CREB5: variants seen among roughly 807,000 people sequenced by gnomAD.
CREB5 encodes cyclic AMP-responsive element-binding protein 5.
Under a neutral mutation model 57.1 loss-of-function variants are expected in CREB5, and 19 were observed. The observed-to-expected ratio is 0.33, with a 90% CI of 0.23 to 0.49. CREB5 has a LOEUF of 0.49. Ranked by LOEUF, CREB5 falls within the 20% of genes least tolerant of loss-of-function variation. CREB5 has a pLI of 0.99. For synonymous variants in CREB5, 238 were observed against 238.3 expected (o/e 1.00, Z 0.01); for missense variants, 579 against 671.6 (o/e 0.86, Z 1.52).
At chr7:28,727,249 T>G (rs141395167) in intron 7 of CREB5, among the ~76,000 whole-genome samples, 32 of 152,266 alleles carry the variant, frequency 2.1e-4, no homozygotes, top group African/African-American at 7.2e-4. Flanking sequence ...CAGACATGGC[T>G]TCACAATGCA....
At chr7:28,560,969 T>TGCGTGC (rs1395767512) in intron 4 of CREB5, among the ~76,000 whole-genome samples, 1 of 24,956 alleles carries the variant, frequency 4.0e-5, no homozygotes, top group African/African-American at 1.1e-4. Flanking sequence ...TGCGTGTGTG[T>TGCGTGC]GTGCGTGTGT....
chr7:28,625,759 G>A (rs775235633), intron 5 of CREB5, among the ~76,000 whole-genome samples: 2 of 152,272 alleles, frequency 1.3e-5, no homozygotes, highest in East Asian at 1.9e-4. Flanking sequence ...CTCCATCCAT[G>A]GAAAATGTGC....
chr7:28,691,519 C>G (rs1801258305), intron 5 of CREB5, among the ~76,000 whole-genome samples: 1 of 151,850 alleles, frequency 6.6e-6, no homozygotes, highest in Non-Finnish European at 1.5e-5. Context: ...TGCTGCCTCC[C>G]TCTCACATAT....
chr7:28,676,190 A>G (rs1269460144), intron 5 of CREB5, among the ~76,000 whole-genome samples: 1 of 152,122 alleles, frequency 6.6e-6, no homozygotes, highest in African/African-American at 2.4e-5. Flanking sequence ...CATCATAACT[A>G]TCATTATTTT....
At chr7:28,490,598 T>C (rs886064351) in intron 2 of CREB5, among the ~76,000 whole-genome samples, 4 of 152,368 alleles carry the variant, frequency 2.6e-5, no homozygotes, top group African/African-American at 4.8e-5. Context: ...CGTTAATATT[T>C]GGGGGCTGGA....
At chr7:28,718,692 A>T in intron 5 of CREB5, 61 bp from the exon 6 acceptor site, 1 of 1,600,350 alleles carries the variant, frequency 6.2e-7, no homozygotes, top group Non-Finnish European at 8.5e-7. Flanking sequence ...TGTTCTGGAC[A>T]CTGGGGAGAC....
At chr7:28,758,037 C>T (rs555900486) in intron 7 of CREB5, among the ~76,000 whole-genome samples, 7 of 152,080 alleles carry the variant, frequency 4.6e-5, no homozygotes, top group African/African-American at 1.4e-4. Context: ...GTAGTGTGGG[C>T]GCAGCAGCAG....
chr7:28,345,881 G>A (rs917959360), intron 1 of CREB5, among the ~76,000 whole-genome samples: 8 of 152,106 alleles, frequency 5.3e-5, no homozygotes, highest in Admixed American at 4.6e-4. Flanking sequence ...ATGAGGGTGG[G>A]TGGCATGGCA....
intron 1 of CREB5, among the ~76,000 whole-genome samples, chr7:28,429,499 C>T (rs548254006): frequency 3.9e-5 from 6 of 152,242 alleles, no homozygotes; most frequent in South Asian, 4.2e-4. Flanking sequence ...CTTGATGCGT[C>T]GCACCTCCTT....
intron 7 of CREB5, among the ~76,000 whole-genome samples, chr7:28,755,856 C>G (rs1805268104): frequency 6.6e-6 from 1 of 152,010 alleles, no homozygotes; most frequent in African/African-American, 2.4e-5. Context: ...GTGTTAGTGG[C>G]CAAAGAGTGT....
intron 1 of CREB5, among the ~76,000 whole-genome samples, chr7:28,333,963 A>AGCCC (rs1785764704): frequency 1.3e-5 from 2 of 152,140 alleles, no homozygotes; most frequent in South Asian, 4.1e-4. Flanking sequence ...TTTTTGGAGG[A>AGCCC]GCCCCTAAAC....
intron 7 of CREB5, among the ~76,000 whole-genome samples, chr7:28,746,169 T>C (rs1459818922): frequency 2.0e-5 from 3 of 152,226 alleles, no homozygotes; most frequent in Non-Finnish European, 4.4e-5. Flanking sequence ...ATGAGCCCCC[T>C]TTTTAGTATT....
At chr7:28,323,224 C>T (rs148726488) in intron 1 of CREB5, among the ~76,000 whole-genome samples, 142 of 152,338 alleles carry the variant, frequency 9.3e-4, no homozygotes, top group African/African-American at 3.3e-3. Flanking sequence ...TGTGCCTGCA[C>T]TTGGTTGGAG....
chr7:28,625,265 C>A (rs1444126184), intron 5 of CREB5, among the ~76,000 whole-genome samples: 1 of 152,138 alleles, frequency 6.6e-6, no homozygotes, highest in Non-Finnish European at 1.5e-5. Flanking sequence ...ATCCTCTACC[C>A]ACACATGCTG....
At chr7:28,558,358 C>T (rs1317778611) in intron 4 of CREB5, among the ~76,000 whole-genome samples, 2 of 152,202 alleles carry the variant, frequency 1.3e-5, no homozygotes, top group Admixed American at 6.5e-5. Flanking sequence ...AACAGCACAG[C>T]AGTAACTTAC....
chr7:28,523,829 AATCTTG>A (rs1235403939), intron 4 of CREB5, among the ~76,000 whole-genome samples: 4 of 152,162 alleles, frequency 2.6e-5, no homozygotes. Context: ...CACCTGATGC[AATCTTG>A]ATCTTTCCTG....
intron 5 of CREB5, among the ~76,000 whole-genome samples, chr7:28,601,307 A>G (rs574084372): frequency 4.1e-4 from 62 of 152,254 alleles, no homozygotes; most frequent in South Asian, 1.5e-3. Flanking sequence ...AGGCAAGAGT[A>G]TTTGGGGACA....
chr7:28,538,392 G>A (rs1382659335), intron 4 of CREB5, among the ~76,000 whole-genome samples: 1 of 145,142 alleles, frequency 6.9e-6, no homozygotes, highest in African/African-American at 2.5e-5. Context: ...ACTCTGTCTT[G>A]TGATGAAACC....
At chr7:28,450,434 A>G (rs532608747) in intron 1 of CREB5, among the ~76,000 whole-genome samples, 1 of 152,250 alleles carries the variant, frequency 6.6e-6, no homozygotes, top group Non-Finnish European at 1.5e-5. Flanking sequence ...CTTGACTCGC[A>G]TATGATGCAA....
Sources: gnomAD v4.1 joint callset for allele counts (sites outside exome capture counted in the v4.1 genomes callset) on GRCh38, gnomAD v4.1.1 for gene constraint, MANE v1.5 for transcripts, NCBI Gene and HGNC (gene_info 2026-07-23, HGNC 2026-07-21) for gene names.